EZR: variants seen among roughly 807,000 people sequenced by gnomAD.
EZR encodes ezrin.
A neutral mutation model predicts 74.8 loss-of-function variants in EZR; 40 were observed. That is an observed-to-expected ratio of 0.53 (90% CI 0.42 to 0.70). EZR has a LOEUF of 0.70. Ranked by LOEUF, EZR falls within the 30% of genes least tolerant of loss-of-function variation. The probability of loss-of-function intolerance (pLI) is 0.00; values close to 1 mark genes in which losing one functional copy is unlikely to be tolerated. For synonymous variants in EZR, 341 were observed against 283.3 expected, an observed-to-expected ratio of 1.20 and a Z score of -2.05; for missense variants, 678 against 755.8, an observed-to-expected ratio of 0.90 and a Z score of 1.21.
intron 2 of EZR, among the ~76,000 whole-genome samples, chr6:158,803,545 GTATA>G (rs1428301652): frequency 5.4e-4 from 6 of 11,192 alleles, no homozygotes; most frequent in Non-Finnish European, 9.7e-4. Flanking sequence ...ATATATATAT[GTATA>G]TATATATATA....
intron 2 of EZR, among the ~76,000 whole-genome samples, chr6:158,790,394 C>T (rs138039750): frequency 1.7e-3 from 253 of 152,318 alleles, no homozygotes; most frequent in Non-Finnish European, 3.0e-3. Context: ...AAAACACTGT[C>T]GGGCGCATTG....
chr6:158,800,416 T>A (rs1777164278), intron 2 of EZR, among the ~76,000 whole-genome samples: 1 of 152,150 alleles, frequency 6.6e-6, no homozygotes, highest in Non-Finnish European at 1.5e-5. Context: ...TCCTCAGAGA[T>A]CCCTGTTCTG....
intron 7 of EZR, among the ~76,000 whole-genome samples, chr6:158,779,321 C>T (rs1417267952): frequency 2.0e-5 from 3 of 152,088 alleles, no homozygotes; most frequent in African/African-American, 7.2e-5. Flanking sequence ...TATCCCACAT[C>T]GAAGGAGACA....
rs58552998 is a variant in EZR at position 158,804,766 on chromosome 6, A to AT, written c.12+13315dup. ...AGAGTTTTTCCTTTCTTTTTTTCTT[A>AT]TTTTTTTTTATTATACTTTAAGTTT... On this transcript the variant is annotated intron_variant, in intron 2 of 13. Transcript: ENST00000367075. Among the ~76,000 whole-genome samples the AT allele has an allele frequency of 1.3e-3, 184 of 139,416 alleles. 1 individual carries two copies. In the East Asian group the frequency reaches 0.024, roughly 18 times the overall value. 91.5% of individuals were successfully genotyped at this position (139,416 alleles called of 152,430 possible).
At chr6:158,770,679 T>C (rs2128565901) in intron 10 of EZR, 85 bp downstream of exon 10, 1 of 1,518,998 alleles carries the variant, frequency 6.6e-7, no homozygotes, top group Non-Finnish European at 9.0e-7. Flanking sequence ...GTTTCCTTCC[T>C]GGTGAGTGGG....
At chr6:158,805,181 A>C (rs1777307502) in intron 2 of EZR, among the ~76,000 whole-genome samples, 1 of 151,832 alleles carries the variant, frequency 6.6e-6, no homozygotes, top group Non-Finnish European at 1.5e-5. Flanking sequence ...TCTACTAAAA[A>C]TACAAAAATT....
At chr6:158,793,403 A>T (rs1209666141) in intron 2 of EZR, among the ~76,000 whole-genome samples, 1 of 151,282 alleles carries the variant, frequency 6.6e-6, no homozygotes, top group African/African-American at 2.4e-5. Flanking sequence ...TCACAGTTTT[A>T]ATATATATAT....
intron 1 of EZR, 163 bp from the exon 2 acceptor site, chr6:158,818,329 C>CGGGCGGGGCGGGGAGGGGGCACGGGCG (rs1554276270): frequency 3.9e-6 from 1 of 253,516 alleles, no homozygotes; most frequent in African/African-American, 2.4e-5. Flanking sequence ...GGAGGGGGCA[C>CGGGCGGGGCGGGGAGGGGGCACGGGCG]GGGCGGGGCG....
intron 2 of EZR, among the ~76,000 whole-genome samples, chr6:158,798,594 T>C (rs1225701725): frequency 6.7e-6 from 1 of 149,046 alleles, no homozygotes; most frequent in African/African-American, 2.5e-5. Context: ...CCTCCCTCGA[T>C]GGAAAAGGGA....
chr6:158,780,254 C>T (rs909751800), intron 7 of EZR, among the ~76,000 whole-genome samples: 10 of 151,110 alleles, frequency 6.6e-5, no homozygotes, highest in Non-Finnish European at 8.8e-5. Flanking sequence ...TGATAATGTT[C>T]TACATGTCTT....
At chr6:158,816,710 T>C (rs1777563982) in intron 2 of EZR, among the ~76,000 whole-genome samples, 1 of 84,606 alleles carries the variant, frequency 1.2e-5, no homozygotes, top group African/African-American at 6.4e-5. Context: ...GGCTTCTGAA[T>C]CTACTGGCAT....
At chr6:158,804,673 G>C (rs1777291544) in intron 2 of EZR, among the ~76,000 whole-genome samples, 1 of 152,182 alleles carries the variant, frequency 6.6e-6, no homozygotes, top group African/African-American at 2.4e-5. Context: ...GGAACTAAAG[G>C]CCTATAGATT....
chr6:158,786,612 A>G (rs551791487), intron 4 of EZR, among the ~76,000 whole-genome samples: 2 of 150,926 alleles, frequency 1.3e-5, no homozygotes, highest in African/African-American at 2.4e-5. Context: ...ACCTCCCATC[A>G]TCTTTTTAAC....
chr6:158,817,962 C>G, intron 2 of EZR, 120 bp downstream of exon 2: 1 of 929,142 alleles, frequency 1.1e-6, no homozygotes, highest in East Asian at 2.7e-5. Context: ...CTATTCCTAT[C>G]GTCTTCTGCG....
At chr6:158,795,129 G>A (rs1273476928) in intron 2 of EZR, among the ~76,000 whole-genome samples, 1 of 152,078 alleles carries the variant, frequency 6.6e-6, no homozygotes, top group Admixed American at 6.5e-5. Flanking sequence ...GCACACACCT[G>A]TAATCCCAGC....
At chr6:158,787,285 G>C in intron 3 of EZR, 82 bp from the exon 4 acceptor site, 1 of 1,153,028 alleles carries the variant, frequency 8.7e-7, no homozygotes, top group Non-Finnish European at 1.3e-6. Context: ...TTCATCACAT[G>C]GTCTAGCAGA....
At chr6:158,815,136 C>T (rs1777528092) in intron 2 of EZR, among the ~76,000 whole-genome samples, 1 of 152,148 alleles carries the variant, frequency 6.6e-6, no homozygotes, top group South Asian at 2.1e-4. Context: ...TTAACTTAGG[C>T]TTGAATAATT....
At chr6:158,818,278 G>C (rs566594375) in intron 1 of EZR, 112 bp from the exon 2 acceptor site, 159 of 464,128 alleles carry the variant, frequency 3.4e-4, no homozygotes, top group Admixed American at 1.3e-3. Context: ...GCCAGCCCGG[G>C]CCCGGGTGAG....
chr6:158,768,818 T>C (rs1228242372), intron 12 of EZR, among the ~76,000 whole-genome samples: 1 of 152,178 alleles, frequency 6.6e-6, no homozygotes, highest in African/African-American at 2.4e-5. Flanking sequence ...GAAGAAGTGA[T>C]GCTACTAGCC....
Sources: allele counts gnomAD v4.1 joint callset (sites outside exome capture counted in the v4.1 genomes callset), GRCh38; gene constraint gnomAD v4.1.1; transcripts MANE v1.5; gene names NCBI Gene and HGNC (gene_info 2026-07-23, HGNC 2026-07-21).